The following KCNIP4 variants were observed in gnomAD, a reference collection of about 807,000 sequenced individuals.
KCNIP4 encodes Kv channel-interacting protein 4.
Under a neutral mutation model 34.0 loss-of-function variants are expected in KCNIP4, and 12 were observed. The observed-to-expected ratio is 0.35, with a 90% CI of 0.23 to 0.57. KCNIP4 has a LOEUF of 0.57. KCNIP4 is among the 20% of genes least tolerant of loss of function. KCNIP4 has a pLI of 0.83. For missense variants in KCNIP4, 238 were observed against 311.7 expected, an observed-to-expected ratio of 0.76 and a Z score of 1.78; for synonymous variants, 124 against 102.2, an observed-to-expected ratio of 1.21 and a Z score of -1.29.
At chr4:21,152,091 A>G (rs930303150) in intron 1 of KCNIP4, among the ~76,000 whole-genome samples, 6 of 152,078 alleles carry the variant, frequency 3.9e-5, no homozygotes, top group African/African-American at 2.4e-5. Context: ...TGTCTCTACT[A>G]AAAATACAAA....
chr4:21,829,663 C>A (rs994431109), intron 1 of KCNIP4, among the ~76,000 whole-genome samples: 2 of 151,604 alleles, frequency 1.3e-5, no homozygotes, highest in African/African-American at 4.8e-5. Context: ...TTCACAGTTC[C>A]ACAAAGCAAA....
intron 1 of KCNIP4, among the ~76,000 whole-genome samples, chr4:21,023,260 G>A (rs1366662523): frequency 1.3e-5 from 2 of 152,008 alleles, no homozygotes; most frequent in Non-Finnish European, 2.9e-5. Flanking sequence ...TGACAACAAC[G>A]TTTCAGCAAA....
intron 1 of KCNIP4, among the ~76,000 whole-genome samples, chr4:20,974,920 T>C (rs553095922): frequency 2.1e-4 from 32 of 152,370 alleles, no homozygotes; most frequent in African/African-American, 7.2e-4. Flanking sequence ...ACAGCAATGA[T>C]GTTAACACTG....
At chr4:20,901,095 G>C (rs1010606287) in intron 1 of KCNIP4, among the ~76,000 whole-genome samples, 3 of 152,144 alleles carry the variant, frequency 2.0e-5, no homozygotes, top group African/African-American at 7.2e-5. Context: ...GAAGAAGTTT[G>C]AGCTTCATGT....
At chr4:21,153,515 GTATATATA>G (rs59614946) in intron 1 of KCNIP4, among the ~76,000 whole-genome samples, 6,636 of 140,668 alleles carry the variant, frequency 0.047, 455 homozygotes, top group African/African-American at 0.16. Context: ...ATGTGTGTGT[GTATATATA>G]TATATATATA....
chr4:21,023,795 T>C (rs1740286279), intron 1 of KCNIP4, among the ~76,000 whole-genome samples: 1 of 151,926 alleles, frequency 6.6e-6, no homozygotes, highest in African/African-American at 2.4e-5. Context: ...GGTAGGAGGA[T>C]CACTTGAACC....
At chr4:21,745,265 A>C (rs1577931635) in intron 1 of KCNIP4, among the ~76,000 whole-genome samples, 1 of 152,226 alleles carries the variant, frequency 6.6e-6, no homozygotes, top group Non-Finnish European at 1.5e-5. Flanking sequence ...TTCATCTTGC[A>C]AGACAAGTGT....
intron 1 of KCNIP4, among the ~76,000 whole-genome samples, chr4:21,259,207 A>T (rs2109099476): frequency 6.6e-6 from 1 of 152,314 alleles, no homozygotes; most frequent in African/African-American, 2.4e-5. Context: ...TATGGTATGA[A>T]CTACTTTCCC....
At chr4:20,966,401 T>C (rs149757273) in intron 1 of KCNIP4, among the ~76,000 whole-genome samples, 1 of 152,320 alleles carries the variant, frequency 6.6e-6, no homozygotes, top group Admixed American at 6.5e-5. Context: ...TGTACTATCC[T>C]GATCTTACTA....
intron 3 of KCNIP4, among the ~76,000 whole-genome samples, chr4:20,769,491 A>C (rs1424453381): frequency 6.6e-6 from 1 of 152,168 alleles, no homozygotes; most frequent in Non-Finnish European, 1.5e-5. Context: ...ATGTAGTGAA[A>C]TTCTATAGGC....
intron 1 of KCNIP4, among the ~76,000 whole-genome samples, chr4:21,056,806 A>C (rs1743448624): frequency 6.6e-6 from 1 of 152,060 alleles, no homozygotes; most frequent in Non-Finnish European, 1.5e-5. Flanking sequence ...CCCTAAATCC[A>C]ATGTGATAAT....
chr4:20,864,721 G>T (rs182386371), intron 2 of KCNIP4, among the ~76,000 whole-genome samples: 56 of 152,136 alleles, frequency 3.7e-4, no homozygotes, highest in African/African-American at 1.2e-3. Context: ...ATTGAAAGGG[G>T]TATTGAGTCC....
At chr4:21,327,890 T>C (rs745555410) in intron 1 of KCNIP4, among the ~76,000 whole-genome samples, 6 of 152,184 alleles carry the variant, frequency 3.9e-5, no homozygotes, top group Non-Finnish European at 7.4e-5. Context: ...CAAGAATTTC[T>C]GCTTGATTCT....
chr4:21,185,952 A>G (rs1755193155), intron 1 of KCNIP4, among the ~76,000 whole-genome samples: 1 of 152,198 alleles, frequency 6.6e-6, no homozygotes, highest in Admixed American at 6.5e-5. Context: ...TTCTTGTTCA[A>G]TGCTGAGTAC....
Position 21,948,752 on chromosome 4 carries a change from G to T in KCNIP4, c.-121C>A, listed in dbSNP as rs1452236485. 5.0e-6 allele frequency: 6 copies of T among 1,202,226 alleles called. No homozygotes were observed. The highest frequency in any genetic ancestry group is 6.3e-6 in the Non-Finnish European group (6 of 957,052). The allele number at this position is 1,202,226 out of a possible 1,614,324, so 74.5% of individuals were successfully genotyped here. ...CGGGGGCGTCCGTGGCGCTGGGAGC[G>T]AGAGCTTCGGCGGCGGCTGCGGGCA... On this transcript the variant is annotated 5_prime_UTR_variant, in exon 1 of 9. Coordinates refer to ENST00000382152, the MANE Select transcript of KCNIP4 (RefSeq NM_025221.6).
chr4:20,776,946 T>A (rs1756422086), intron 3 of KCNIP4, among the ~76,000 whole-genome samples: 1 of 152,188 alleles, frequency 6.6e-6, no homozygotes, highest in African/African-American at 2.4e-5. Context: ...ATGGATCTTC[T>A]TTGGGGAAAT....
At chr4:20,732,607 A>G in intron 7 of KCNIP4, 74 bp downstream of exon 7, 1 of 888,204 alleles carries the variant, frequency 1.1e-6, no homozygotes, top group South Asian at 1.3e-5. Context: ...CTTTTGAATC[A>G]TCGTGGTGCA....
At chr4:20,967,411 C>T (rs2149670989) in intron 1 of KCNIP4, among the ~76,000 whole-genome samples, 1 of 152,202 alleles carries the variant, frequency 6.6e-6, no homozygotes, top group Admixed American at 6.5e-5. Flanking sequence ...ACTTTCTTCA[C>T]AGAATTGGAA....
rs116648078 is a variant in KCNIP4 at position 20,861,706 on chromosome 4, G to T, written c.164-11039C>A. Reference sequence around the variant, plus strand: ...ACAGGTACTTGTTGGCAATGACATTGCAATTTCCATTCTAGGAGAATGAGA... The same window carrying T: ...ACAGGTACTTGTTGGCAATGACATTTCAATTTCCATTCTAGGAGAATGAGA... On this transcript the variant is annotated intron_variant, in intron 2 of 8. Coordinates refer to ENST00000382152, the MANE Select transcript of KCNIP4 (RefSeq NM_025221.6). Among the ~76,000 whole-genome samples the T allele has an allele frequency of 2.0e-3, 307 of 152,158 alleles. 2 individuals are homozygous for T. Among genetic ancestry groups the T allele is most frequent in the African/African-American group, 7.1e-3 (296 of 41,504 alleles).
Sources: allele counts gnomAD v4.1 joint callset (sites outside exome capture counted in the v4.1 genomes callset), GRCh38; gene constraint gnomAD v4.1.1; transcripts MANE v1.5; gene names NCBI Gene and HGNC (gene_info 2026-07-23, HGNC 2026-07-21).